Variants in ZNF395 observed in about 807,000 individuals in gnomAD.
ZNF395 encodes the protein zinc finger protein 395, also known as HD gene regulatory region-binding protein 2.
Under a neutral mutation model 57.7 loss-of-function variants are expected in ZNF395, and 20 were observed. The observed-to-expected ratio is 0.35, with a 90% CI of 0.24 to 0.50. The LOEUF is 0.50. Among genes scored for constraint, ZNF395 ranks in the 20% least tolerant of loss-of-function variants. The pLI is 0.97. For missense variants in ZNF395, 606 were observed against 671.2 expected, an observed-to-expected ratio of 0.90 and a Z score of 1.07; for synonymous variants, 295 against 275.9, an observed-to-expected ratio of 1.07 and a Z score of -0.69.
chr8:28,366,664 G>C (rs1801913914), intron 1 of ZNF395, among the ~76,000 whole-genome samples: 1 of 152,116 alleles, frequency 6.6e-6, no homozygotes, highest in African/African-American at 2.4e-5. Flanking sequence ...ATATTTGTAA[G>C]TATATGCAAA....
Position 28,363,438 on chromosome 8 carries a change from A to T in ZNF395, c.-58-2256T>A, listed in dbSNP as rs114662108. Among the ~76,000 whole-genome samples the T allele has an allele frequency of 9.5e-3, 1,440 of 152,022 alleles. 19 individuals are homozygous for T. The highest frequency in any genetic ancestry group is 0.033 in the African/African-American group (1,360 of 41,460). On this transcript the variant is annotated intron_variant, in intron 1 of 9. Transcript: ENST00000344423. The stretch of plus-strand genomic sequence containing the variant: ...CATGAGGCACCGTGCCTGGCCTTAA[A>T]CTGTTTTTTAAAACACTGTCACCTA...
intron 1 of ZNF395, among the ~76,000 whole-genome samples, chr8:28,368,821 G>C (rs971271140): frequency 2.0e-5 from 3 of 152,094 alleles, no homozygotes; most frequent in Admixed American, 2.0e-4. Flanking sequence ...ACAGGAACAT[G>C]GACTCTACTT....
rs541754540 is a variant in ZNF395 at position 28,352,513 on chromosome 8, G to A, written c.920+60C>T. ...TGTGGGCTGTGGGTCACAGGGACTC[G>A]GCAGGGTGGAGGGACACCCACACGC... On this transcript the variant is annotated intron_variant, in intron 6 of 9. Coordinates refer to ENST00000344423, the MANE Select transcript of ZNF395 (RefSeq NM_018660.3). The surrounding 1 kb of genome is among the most constrained non-coding windows in gnomAD (Gnocchi z 4.0). 85 of 1,482,366 alleles carry A rather than the reference G, an allele frequency of 5.7e-5. No individual in the cohort carries two copies. In the South Asian group the frequency reaches 8.5e-4, roughly 15 times the overall value. 91.8% of individuals were successfully genotyped at this position (1,482,366 alleles called of 1,614,324 possible). A position where few individuals can be genotyped will look rare whatever the true frequency, so the allele number is the denominator to read the frequency against.
intron 1 of ZNF395, among the ~76,000 whole-genome samples, chr8:28,376,574 T>C (rs1407140536): frequency 6.6e-6 from 1 of 151,788 alleles, no homozygotes; most frequent in Non-Finnish European, 1.5e-5. Flanking sequence ...TAAGCTGAGA[T>C]CGCACCACTG....
In ZNF395 at chr8:28,348,572, C is replaced by T. The variant is rs1801636818; in HGVS notation, c.*147G>A. ...ATGTTCGCACAATGGGAGAAAATTG[C>T]TTTAAGTGTTACACCTTAGCCAACA... On this transcript the variant is annotated 3_prime_UTR_variant, in exon 10 of 10. Coordinates refer to ENST00000344423, the MANE Select transcript of ZNF395 (RefSeq NM_018660.3). 3 of 666,290 alleles carry T rather than the reference C, an allele frequency of 4.5e-6. No individual in the cohort carries two copies. The highest frequency in any genetic ancestry group is 1.8e-5 in the African/African-American group (1 of 55,036). 41.3% of individuals were successfully genotyped at this position (666,290 alleles called of 1,614,324 possible).
In ZNF395 at chr8:28,352,086, C is replaced by T. The variant is rs7014046; in HGVS notation, c.921-279G>A. Among the ~76,000 whole-genome samples the T allele has an allele frequency of 3.7e-3, 571 of 152,342 alleles. 2 individuals are homozygous for T. The highest frequency in any genetic ancestry group is 5.3e-3 in the Admixed American group (81 of 15,310). On this transcript the variant is annotated intron_variant, in intron 6 of 9. Coordinates refer to ENST00000344423, the MANE Select transcript of ZNF395 (RefSeq NM_018660.3). This position sits in a 1 kb window ranked among gnomAD's most constrained non-coding sequence, Gnocchi z 4.0. ...AGGCATCCCACACTGAGCACGACCA[C>T]GAGCCCTCTCTGGGCCCCACCTGCC...
chr8:28,351,602 A>G lies in ZNF395; in HGVS notation c.1126T>C (p.Ser376Pro). 1 of 1,613,704 alleles carries G rather than the reference A, an allele frequency of 6.2e-7. No individual in the cohort carries two copies. The highest frequency in any genetic ancestry group is 1.1e-5 in the South Asian group (1 of 91,084). ...GGGCCAGGATGTTCTGGGCCGGAGG[A>G]CTGGGCTTTGTGCAGAGGTGGTGGA... ...ALPPPLHKAQ[S>P]SGPEHPGPES... Residue 376 changes from serine (S) to proline (P), a missense_variant, in exon 7 of 10, where the codon TCC becomes CCC. Physicochemically the swap from Ser to Pro is moderately conservative, Grantham distance 74. Transcript: ENST00000344423.
chr8:28,370,390 A>G (rs1051569097), intron 1 of ZNF395, among the ~76,000 whole-genome samples: 3 of 152,182 alleles, frequency 2.0e-5, no homozygotes, highest in African/African-American at 7.2e-5. Flanking sequence ...AGTGCCTTAA[A>G]CGTATTTTTC....
At chr8:28,358,320 G>A (rs1801806977) in intron 3 of ZNF395, among the ~76,000 whole-genome samples, 1 of 151,932 alleles carries the variant, frequency 6.6e-6, no homozygotes, top group African/African-American at 2.4e-5. Flanking sequence ...ATGTTGGCCA[G>A]GCTGGTCTCA....
chr8:28,372,726 G>C (rs1801992479), intron 1 of ZNF395, among the ~76,000 whole-genome samples: 1 of 152,224 alleles, frequency 6.6e-6, no homozygotes, highest in Non-Finnish European at 1.5e-5. Flanking sequence ...GGTTGAGGCT[G>C]CAGTGAGTTG....
chr8:28,352,397 A>C lies in ZNF395; in HGVS notation c.920+176T>G, dbSNP rs1003268123. Among the ~76,000 whole-genome samples, 1 of 152,224 alleles carries C rather than the reference A, an allele frequency of 6.6e-6. No homozygotes were observed. The highest frequency in any genetic ancestry group is 2.4e-5 in the African/African-American group (1 of 41,452). On this transcript the variant is annotated intron_variant, in intron 6 of 9. Transcript: ENST00000344423. This position sits in a 1 kb window ranked among gnomAD's most constrained non-coding sequence, Gnocchi z 4.0. ...AGATGGACAGAGCTCCCTTCCCATC[A>C]ACAGCAACAATGTTCACCAGGATGT...
At chr8:28,381,198 C>A (rs978871903) in intron 1 of ZNF395, among the ~76,000 whole-genome samples, 1 of 152,192 alleles carries the variant, frequency 6.6e-6, no homozygotes, top group Non-Finnish European at 1.5e-5. Flanking sequence ...CCCACCACCA[C>A]GCCCGGCTAA....
chr8:28,351,513 C>T lies in ZNF395; in HGVS notation c.1215G>A (p.Gln405=). 1 of 1,608,940 alleles carries T rather than the reference C, an allele frequency of 6.2e-7. No homozygotes were observed. The highest frequency in any genetic ancestry group is 1.7e-4 in the Middle Eastern group (1 of 6,044). ...CCCATACCTGGTATGCATGATCTGCCTGAATGTGCCAGAAGGACCCAGGAG... is the reference window on the plus strand; with the variant it reads ...CCCATACCTGGTATGCATGATCTGCTTGAATGTGCCAGAAGGACCCAGGAG... The part of the protein sequence containing the change: ...KSAPGSFWHI[Q]ADHAYQALPS... The change falls in exon 7 of 10, where the codon CAG becomes CAA. Residue 405 remains glutamine (Q), a synonymous_variant. Coordinates refer to ENST00000344423, the MANE Select transcript of ZNF395 (RefSeq NM_018660.3).
intron 1 of ZNF395, among the ~76,000 whole-genome samples, chr8:28,379,828 AATAAT>A (rs1320055285): frequency 6.9e-6 from 1 of 145,030 alleles, no homozygotes; most frequent in Non-Finnish European, 1.5e-5. Context: ...AGAAAAGACA[AATAAT>A]ACAAACGTTA....
In ZNF395 at chr8:28,359,773, T is replaced by A. The variant is rs747421979; in HGVS notation, c.292A>T (p.Ser98Cys). 4 of 1,614,134 alleles carry A rather than the reference T, an allele frequency of 2.5e-6. No homozygotes were observed. Among genetic ancestry groups the A allele is most frequent in the Non-Finnish European group, 3.4e-6 (4 of 1,180,036 alleles). Residue 98 changes from serine (S) to cysteine (C), a missense_variant, in exon 3 of 10, where the codon AGC (serine) becomes TGC (cysteine). Transcript: ENST00000344423. This position sits in a 1 kb window ranked among gnomAD's most constrained non-coding sequence, Gnocchi z 4.7. ...ACGGTCACCTGACCCTCCATCCAGC[T>A]GTGCTGCTCCACCAGTCCTGTGCAC... ...QECTGLVEQH[S>C]WMEGQVTVWL... is the part of the protein sequence containing the mutation.
At chr8:28,376,071 T>G (rs1329883858) in intron 1 of ZNF395, among the ~76,000 whole-genome samples, 1 of 152,026 alleles carries the variant, frequency 6.6e-6, no homozygotes. Context: ...CCTCCCCGGG[T>G]TCAGGTGATC....
chr8:28,360,922 G>A lies in ZNF395; in HGVS notation c.203C>T (p.Ser68Leu), dbSNP rs374858635. The A allele has an allele frequency of 9.9e-6, 16 of 1,613,848 alleles. No homozygotes were observed. The Admixed American group carries it at 1.0e-4, about 10-fold the overall frequency. Residue 68 changes from serine (S) to leucine (L), a missense_variant, in exon 2 of 10, where the codon TCG becomes TTG. Transcript: ENST00000344423. ...CTGAAAGGCCACCTGCTGAAGGCCCGAGGTGCTGGGAGCCTTAAGGACTTC... is the reference window on the plus strand; with the variant it reads ...CTGAAAGGCCACCTGCTGAAGGCCCAAGGTGCTGGGAGCCTTAAGGACTTC... ...PKEVLKAPST[S>L]GLQQVAFQPG...
At chr8:28,381,076 C>G (rs111414721) in intron 1 of ZNF395, among the ~76,000 whole-genome samples, 3,065 of 151,358 alleles carry the variant, frequency 0.02, 107 homozygotes, top group African/African-American at 0.069. Flanking sequence ...GAGTCTCGCT[C>G]TGTCGCCCAG....
chr8:28,350,218 A>G (rs925949658), intron 7 of ZNF395, 62 bp from the exon 8 acceptor site: 2 of 1,383,448 alleles, frequency 1.4e-6, no homozygotes, highest in Admixed American at 2.1e-5. Flanking sequence ...GTCTGCCCAC[A>G]ATCCCCACAG....
Sources: allele counts gnomAD v4.1 joint callset (sites outside exome capture counted in the v4.1 genomes callset), GRCh38; gene constraint gnomAD v4.1.1; non-coding constraint Gnocchi (gnomAD v3.1); transcripts MANE v1.5; gene names NCBI Gene and HGNC (gene_info 2026-07-23, HGNC 2026-07-21).